SNURF: variants seen among roughly 807,000 people sequenced by gnomAD.
The protein encoded by SNURF is SNURF protein.
Under a neutral mutation model 11.6 loss-of-function variants are expected in SNURF, and 6 were observed. That is an observed-to-expected ratio of 0.52 (90% CI 0.28 to 1.02). SNURF has a LOEUF of 1.02. Among genes scored for constraint, SNURF ranks in the 50% least tolerant of loss-of-function variants. The probability of loss-of-function intolerance (pLI) is 0.09; values close to 1 mark genes in which losing one functional copy is unlikely to be tolerated. For missense variants in SNURF, 84 were observed against 88.4 expected, an observed-to-expected ratio of 0.95 and a Z score of 0.20; for synonymous variants, 29 against 31.6, an observed-to-expected ratio of 0.92 and a Z score of 0.27.
At chr15:24,975,346 T>A (rs778906384) in intron 3 of SNURF, 45 of 1,610,234 alleles carry the variant, frequency 2.8e-5, no homozygotes, top group Non-Finnish European at 3.7e-5. Flanking sequence ...ACTCTTGTCT[T>A]ACTGCTTCTA....
At chr15:24,971,881 A>G (rs1036627077), downstream of SNURF, among the ~76,000 whole-genome samples, 10 of 152,260 alleles carry the variant, frequency 6.6e-5, no homozygotes, top group Admixed American at 6.5e-4. Flanking sequence ...CCACAGTAAG[A>G]TCTGTCTTGC....
At chr15:24,978,628 C>G (rs757571186), downstream of SNURF, 4 of 632,860 alleles carry the variant, frequency 6.3e-6, no homozygotes, top group African/African-American at 1.8e-5. Context: ...TTGATGAGAT[C>G]TTAAGTTACT....
chr15:24,969,711 A>G (rs577576467), downstream of SNURF, among the ~76,000 whole-genome samples: 7 of 152,324 alleles, frequency 4.6e-5, no homozygotes, highest in South Asian at 1.4e-3. Flanking sequence ...AGGACCATCT[A>G]ATTTTATGAT....
intron 2 of SNURF, among the ~76,000 whole-genome samples, chr15:24,964,494 A>G (rs1206193693): frequency 1.3e-5 from 2 of 152,024 alleles, no homozygotes; most frequent in Non-Finnish European, 2.9e-5. Flanking sequence ...GGGTTTCTCC[A>G]TGTTGGTCAG....
chr15:24,963,872 A>G (rs1427765194), intron 2 of SNURF, among the ~76,000 whole-genome samples: 1 of 152,018 alleles, frequency 6.6e-6, no homozygotes, highest in Non-Finnish European at 1.5e-5. Flanking sequence ...TCCTCTCTAC[A>G]GAAAAATAAA....
chr15:24,977,598 A>C (rs1310421778), intron 6 of SNURF, among the ~76,000 whole-genome samples: 1 of 152,164 alleles, frequency 6.6e-6, no homozygotes, highest in Non-Finnish European at 1.5e-5. Flanking sequence ...AGATTGCGCC[A>C]TTACACTCCA....
At chr15:24,970,333 A>G (rs2076239786), downstream of SNURF, among the ~76,000 whole-genome samples, 1 of 152,170 alleles carries the variant, frequency 6.6e-6, no homozygotes, top group African/African-American at 2.4e-5. Context: ...TCATCCTAGC[A>G]CTTGGGGAGG....
intron 2 of SNURF, 133 bp from the exon 3 acceptor site, chr15:24,967,791 GAATGAGAC>G: frequency 1.4e-6 from 1 of 703,476 alleles, no homozygotes. Flanking sequence ...CTGGGCAACA[GAATGAGAC>G]CCTGTCTGGA....
intron 1 of SNURF, among the ~76,000 whole-genome samples, chr15:24,959,817 A>G (rs1403725494): frequency 2.0e-5 from 3 of 152,226 alleles, no homozygotes; most frequent in Non-Finnish European, 4.4e-5. Context: ...GGCTATTATG[A>G]ATAATGCTAC....
In SNURF at chr15:24,956,763, C is replaced by T. The variant is rs900245772; in HGVS notation, c.14+1701C>T. On this transcript the variant is annotated intron_variant, in intron 1 of 2. Transcript: ENST00000577949. ...TAGCAAGCTTGGCAGCCACCCCTTACCCACGGTGCAGCAGTAGAGGACTGG... is the reference window on the plus strand; with the variant it reads ...TAGCAAGCTTGGCAGCCACCCCTTATCCACGGTGCAGCAGTAGAGGACTGG... Among the ~76,000 whole-genome samples the T allele has an allele frequency of 3.9e-5, 6 of 152,152 alleles. No individual in the cohort carries two copies. In the East Asian group the frequency reaches 7.7e-4, roughly 20 times the overall value.
chr15:24,976,288 T>G (rs376797628), intron 4 of SNURF: 6 of 1,605,200 alleles, frequency 3.7e-6, no homozygotes, highest in Non-Finnish European at 8.5e-7. Flanking sequence ...TCACTAAAAT[T>G]TAATTCTGAT....
At chr15:24,956,542 G>A (rs1334600566) in intron 1 of SNURF, among the ~76,000 whole-genome samples, 1 of 152,350 alleles carries the variant, frequency 6.6e-6, no homozygotes, top group Non-Finnish European at 1.5e-5. Context: ...TGCAGGTTGC[G>A]CAGACGCAGC....
At chr15:24,971,298 C>T (rs938604862), downstream of SNURF, among the ~76,000 whole-genome samples, 1 of 152,126 alleles carries the variant, frequency 6.6e-6, no homozygotes, top group Non-Finnish European at 1.5e-5. Context: ...CGTCGCCTTT[C>T]TCATGAAGTT....
rs1397974973 is a variant in SNURF, at chr15:24,955,912, ATGAT to A, written c.14+853_14+856del. Among the ~76,000 whole-genome samples the A allele has an allele frequency of 3.9e-5, 6 of 151,912 alleles. No individual in the cohort carries two copies. The South Asian group carries it at 1.0e-3, about 26-fold the overall frequency. On this transcript the variant is annotated intron_variant, in intron 1 of 2. Coordinates refer to ENST00000577949, the Ensembl canonical transcript of SNURF. The stretch of plus-strand genomic sequence containing the variant: ...GTCCGGAGTGACTAAGGGACGCTGA[ATGAT>A]TGCTGTGTAGAGGAGGGGGCATCAG...
intron 4 of SNURF, chr15:24,975,636 G>A: frequency 1.3e-6 from 1 of 743,406 alleles, no homozygotes; most frequent in Non-Finnish European, 2.3e-6. Context: ...CCAGTCTATT[G>A]TTTAACCTCT....
At chr15:24,963,157 A>G (rs1297055083) in intron 2 of SNURF, among the ~76,000 whole-genome samples, 1 of 152,194 alleles carries the variant, frequency 6.6e-6, no homozygotes, top group Non-Finnish European at 1.5e-5. Flanking sequence ...CTGTATTTTG[A>G]CAATATGTCT....
At chr15:24,975,420 A>G (rs2076952450) in exon 4 of SNURF, 1 of 1,613,344 alleles carries the variant, frequency 6.2e-7, no homozygotes. Context: ...GTATCCTGCA[A>G]GATGGCCGAA....
chr15:24,955,187 T>C, intron 1 of SNURF, 125 bp downstream of exon 1: 2 of 1,306,796 alleles, frequency 1.5e-6, no homozygotes, highest in East Asian at 4.9e-5. Context: ...TAAAGTCCTT[T>C]GTTCTGGAGA....
At chr15:24,974,811 G>C (rs2153684552) in intron 3 of SNURF, 1 of 651,770 alleles carries the variant, frequency 1.5e-6, no homozygotes, top group East Asian at 2.7e-5. Flanking sequence ...CACCCACCTC[G>C]GCCTCCCAAA....
Sources: allele counts gnomAD v4.1 joint callset (sites outside exome capture counted in the v4.1 genomes callset), GRCh38; gene constraint gnomAD v4.1.1; transcripts MANE v1.5; gene names NCBI Gene and HGNC (gene_info 2026-07-23, HGNC 2026-07-21).